FER: variants seen among roughly 807,000 people sequenced by gnomAD.
The protein encoded by FER is tyrosine-protein kinase Fer.
A neutral mutation model predicts 111.0 loss-of-function variants in FER; 63 were observed. The ratio of observed to expected loss-of-function variants is 0.57; its 90% CI spans 0.46 to 0.70. FER has a LOEUF of 0.70. FER is among the 30% of genes least tolerant of loss of function. The probability of loss-of-function intolerance (pLI) is 0.00; values close to 1 mark genes in which losing one functional copy is unlikely to be tolerated. For missense variants in FER, 914 were observed against 954.0 expected (o/e 0.96, Z 0.55); for synonymous variants, 327 against 313.9 (o/e 1.04, Z -0.44).
intron 18 of FER, among the ~76,000 whole-genome samples, chr5:109,182,442 G>A (rs1322767798): frequency 2.6e-5 from 4 of 152,156 alleles, no homozygotes; most frequent in Non-Finnish European, 5.9e-5. Flanking sequence ...TTTCCATAGT[G>A]ATTCCTCTCT....
At chr5:108,901,502 A>T (rs1561587649) in intron 10 of FER, among the ~76,000 whole-genome samples, 1 of 152,076 alleles carries the variant, frequency 6.6e-6, no homozygotes, top group Admixed American at 6.6e-5. Flanking sequence ...AAAATTTTGG[A>T]ATTTCCTCTA....
intron 5 of FER, 146 bp from the exon 6 acceptor site, chr5:108,867,621 G>A: frequency 1.3e-6 from 1 of 749,064 alleles, no homozygotes. Context: ...ATAAAGCTAA[G>A]CACATATTAT....
At chr5:109,186,426 T>C (rs1165170052) in intron 19 of FER, 104 bp downstream of exon 19, 3 of 1,546,930 alleles carry the variant, frequency 1.9e-6, no homozygotes, top group Non-Finnish European at 2.7e-6. Context: ...ACTGTTTGGT[T>C]GTGTTATGAG....
intron 9 of FER, among the ~76,000 whole-genome samples, chr5:108,886,455 A>G (rs1391489943): frequency 6.7e-6 from 1 of 149,348 alleles, no homozygotes; most frequent in Non-Finnish European, 1.5e-5. Flanking sequence ...CATATATGTA[A>G]CATACATAAA....
intron 16 of FER, among the ~76,000 whole-genome samples, chr5:109,061,159 A>T (rs1388292331): frequency 6.6e-6 from 1 of 152,180 alleles, no homozygotes; most frequent in Non-Finnish European, 1.5e-5. Context: ...AAGTGATTGG[A>T]TTACATGACC....
At chr5:108,991,293 A>G (rs1402272159) in intron 13 of FER, among the ~76,000 whole-genome samples, 2 of 151,988 alleles carry the variant, frequency 1.3e-5, no homozygotes, top group Non-Finnish European at 2.9e-5. Flanking sequence ...GAATTATAAC[A>G]TAGTTTAATT....
At chr5:109,134,029 A>T (rs544765281) in intron 17 of FER, among the ~76,000 whole-genome samples, 1 of 152,172 alleles carries the variant, frequency 6.6e-6, no homozygotes, top group East Asian at 1.9e-4. Context: ...GTGATGATAG[A>T]TAAATAATTT....
intron 10 of FER, among the ~76,000 whole-genome samples, chr5:108,938,003 T>C (rs1755720918): frequency 6.8e-6 from 1 of 146,266 alleles, no homozygotes; most frequent in Non-Finnish European, 1.5e-5. Context: ...CTCTCTTCCC[T>C]CCTTTTTTTC....
At chr5:109,013,766 T>G (rs1450134800) in intron 13 of FER, among the ~76,000 whole-genome samples, 1 of 150,348 alleles carries the variant, frequency 6.7e-6, no homozygotes, top group African/African-American at 2.4e-5. Context: ...TTTTTAATGA[T>G]TGCCATTCTA....
chr5:108,924,635 T>C (rs1753495922), intron 10 of FER: 14 of 1,231,826 alleles, frequency 1.1e-5, no homozygotes, highest in Non-Finnish European at 1.4e-5. Flanking sequence ...GGGCCCACTG[T>C]CACTATCTCT....
At chr5:108,893,973 T>G (rs1035673191) in intron 9 of FER, among the ~76,000 whole-genome samples, 1 of 151,462 alleles carries the variant, frequency 6.6e-6, no homozygotes, top group East Asian at 1.9e-4. Context: ...AAGAGGTTTT[T>G]TTTTTTTTTT....
At chr5:108,959,182 G>T in intron 12 of FER, 43 bp from the exon 13 acceptor site, 1 of 1,578,742 alleles carries the variant, frequency 6.3e-7, no homozygotes, top group South Asian at 1.2e-5. Flanking sequence ...ATTTTCTAAA[G>T]CAATGTCTTC....
intron 2 of FER, among the ~76,000 whole-genome samples, chr5:108,779,025 A>G (rs1399827361): frequency 6.7e-6 from 1 of 148,492 alleles, no homozygotes; most frequent in South Asian, 2.1e-4. Context: ...TTTTTTTTGC[A>G]AGTGGATGTC....
chr5:109,096,430 C>T (rs904970079), intron 16 of FER, among the ~76,000 whole-genome samples: 3 of 151,926 alleles, frequency 2.0e-5, no homozygotes, highest in Non-Finnish European at 4.4e-5. Flanking sequence ...GCAAGTCACA[C>T]TACAGGCAGT....
chr5:108,805,526 G>A (rs575884441), intron 3 of FER, among the ~76,000 whole-genome samples: 5 of 152,208 alleles, frequency 3.3e-5, no homozygotes, highest in Non-Finnish European at 7.3e-5. Context: ...ACAGGAAAAT[G>A]TGGGAAAGTT....
At chr5:109,110,826 A>T (rs1203966121) in intron 17 of FER, among the ~76,000 whole-genome samples, 2 of 152,166 alleles carry the variant, frequency 1.3e-5, no homozygotes, top group South Asian at 2.1e-4. Flanking sequence ...TTACTCCATC[A>T]AACTGTAATG....
At position 108,954,702 on chromosome 5, in the gene FER, GT is replaced by G. The variant is rs66958414; in HGVS notation, c.1330-15del. 124,454 of 1,158,932 alleles carry G rather than the reference GT, an allele frequency of 0.11. 2,911 individuals carry two copies. Among genetic ancestry groups the G allele is most frequent in the African/African-American group, 0.25 (15,525 of 62,402 alleles). The allele number at this position is 1,158,932 out of a possible 1,614,324, so 71.8% of individuals were successfully genotyped here. ...AATAATCAGTATTTTCTCTAATTTA[GT>G]TTTTTTTTTTTAATATTTGTTTAAG... On this transcript the variant is annotated intron_variant, in intron 11 of 19. Coordinates refer to ENST00000281092, the MANE Select transcript of FER (RefSeq NM_005246.4).
At chr5:108,779,651 T>C (rs562460804) in intron 2 of FER, among the ~76,000 whole-genome samples, 95 of 152,316 alleles carry the variant, frequency 6.2e-4, no homozygotes, top group Admixed American at 2.2e-3. Context: ...AAGCCTGCCA[T>C]TGCTGTAATT....
At chr5:108,827,893 G>A (rs1759642887) in intron 3 of FER, among the ~76,000 whole-genome samples, 1 of 141,696 alleles carries the variant, frequency 7.1e-6, no homozygotes, top group Non-Finnish European at 1.5e-5. Context: ...TAGTGGCAAA[G>A]TCATAGCTCA....
Sources: allele counts gnomAD v4.1 joint callset (sites outside exome capture counted in the v4.1 genomes callset), GRCh38; gene constraint gnomAD v4.1.1; transcripts MANE v1.5; gene names NCBI Gene and HGNC (gene_info 2026-07-23, HGNC 2026-07-21).